Variants in PLCH1 observed in about 807,000 individuals in gnomAD.
The protein encoded by PLCH1 is phospholipase C eta 1.
PLCH1 carries 60 observed loss-of-function variants against 126.7 expected under a neutral mutation model. The observed-to-expected ratio is 0.47, with a 90% CI of 0.38 to 0.59. The LOEUF (loss-of-function observed/expected upper bound fraction) is 0.59, where lower values mean the gene tolerates loss of function less well. Among genes scored for constraint, PLCH1 ranks in the 20% least tolerant of loss-of-function variants. The pLI is 0.00. For synonymous variants in PLCH1, 719 were observed against 734.9 expected, an observed-to-expected ratio of 0.98 and a Z score of 0.35; for missense variants, 1,723 against 2,040.0, an observed-to-expected ratio of 0.84 and a Z score of 2.99.
chr3:155,485,465 A>C lies in PLCH1; in HGVS notation c.2865T>G (p.Ser955Arg), dbSNP rs1209324453. Residue 955 changes from serine to arginine, a missense_variant, in exon 22 of 23, where the codon AGT (serine) becomes AGG (arginine). Transcript: ENST00000460012. Reference protein sequence around the residue: ...QDGVLRRTTRSLQARPVSMPV... With the variant: ...QDGVLRRTTRRLQARPVSMPV... ...GCATAGAGACAGGGCGTGCTTGCAA[A>C]CTGCGTGTGGTCCTCCTCAGCACGC... 1 of 1,614,082 alleles carries C rather than the reference A, an allele frequency of 6.2e-7. No individual in the cohort carries two copies. Among genetic ancestry groups the C allele is most frequent in the Non-Finnish European group, 8.5e-7 (1 of 1,179,958 alleles).
At chr3:155,730,482 T>G (rs2109173297) in intron 1 of PLCH1, among the ~76,000 whole-genome samples, 1 of 152,262 alleles carries the variant, frequency 6.6e-6, no homozygotes, top group South Asian at 2.1e-4. Context: ...GGTTTCACCA[T>G]GTTGGCCAGG....
chr3:155,525,470 G>A (rs530372985), intron 10 of PLCH1, among the ~76,000 whole-genome samples: 39 of 152,182 alleles, frequency 2.6e-4, no homozygotes, highest in African/African-American at 8.7e-4. Context: ...CTAGATCCAC[G>A]AGCAATGAAT....
At chr3:155,653,700 T>A (rs1021001261) in intron 2 of PLCH1, among the ~76,000 whole-genome samples, 5 of 152,202 alleles carry the variant, frequency 3.3e-5, no homozygotes, top group African/African-American at 1.2e-4. Flanking sequence ...TCTTCACTGA[T>A]AACTTTGCTT....
At chr3:155,461,226 A>C (rs1332522295) in intron 21 of PLCH1, among the ~76,000 whole-genome samples, 2 of 152,226 alleles carry the variant, frequency 1.3e-5, no homozygotes, top group African/African-American at 4.8e-5. Flanking sequence ...ATCAACTTGA[A>C]TGTCCTGATA....
chr3:155,549,270 G>C (rs189737180), intron 10 of PLCH1, among the ~76,000 whole-genome samples: 1 of 152,332 alleles, frequency 6.6e-6, no homozygotes, highest in Admixed American at 6.5e-5. Context: ...ACACGTACAT[G>C]AGTCCTGTGG....
At chr3:155,577,381 T>A (rs1376477827) in intron 6 of PLCH1, among the ~76,000 whole-genome samples, 5 of 152,174 alleles carry the variant, frequency 3.3e-5, no homozygotes, top group Non-Finnish European at 7.3e-5. Flanking sequence ...ATTTTTCCAT[T>A]GTTTTTTTTT....
chr3:155,504,761 A>C (rs573808647), intron 12 of PLCH1, 135 bp from the exon 13 acceptor site: 1 of 617,332 alleles, frequency 1.6e-6, no homozygotes, highest in Admixed American at 2.7e-5. Flanking sequence ...GACTCCACTC[A>C]TTTCCTCCTG....
chr3:155,682,392 C>T (rs1744607164), intron 2 of PLCH1, among the ~76,000 whole-genome samples: 1 of 152,094 alleles, frequency 6.6e-6, no homozygotes, highest in Admixed American at 6.6e-5. Context: ...CCCCAAGGAA[C>T]AAAATGGAAT....
At chr3:155,475,279 T>C (rs1019491662), downstream of PLCH1, among the ~76,000 whole-genome samples, 2 of 151,772 alleles carry the variant, frequency 1.3e-5, no homozygotes, top group South Asian at 2.1e-4. Flanking sequence ...AAAACGATAA[T>C]GGAAATATAA....
At chr3:155,506,422 T>C (rs1718727691) in intron 12 of PLCH1, among the ~76,000 whole-genome samples, 1 of 150,348 alleles carries the variant, frequency 6.7e-6, no homozygotes, top group Non-Finnish European at 1.5e-5. Context: ...TACATATGTA[T>C]ACATGTGCCA....
At chr3:155,695,947 T>C (rs1190569983) in intron 2 of PLCH1, among the ~76,000 whole-genome samples, 7 of 152,082 alleles carry the variant, frequency 4.6e-5, no homozygotes, top group African/African-American at 9.7e-5. Flanking sequence ...GGCAGATGGG[T>C]ACCAGGGCAG....
chr3:155,639,865 A>G (rs1428128386), intron 2 of PLCH1, among the ~76,000 whole-genome samples: 2 of 149,752 alleles, frequency 1.3e-5, no homozygotes, highest in African/African-American at 5.0e-5. Context: ...TTCTCAGGAT[A>G]GTGAGTGAGT....
chr3:155,476,022 A>G (rs570075125), downstream of PLCH1, among the ~76,000 whole-genome samples: 2 of 152,274 alleles, frequency 1.3e-5, no homozygotes, highest in South Asian at 2.1e-4. Context: ...AGAAAATGAC[A>G]GGCCAATATC....
chr3:155,716,253 A>T (rs2109120377), intron 1 of PLCH1, among the ~76,000 whole-genome samples: 1 of 152,304 alleles, frequency 6.6e-6, no homozygotes, highest in Middle Eastern at 3.4e-3. Flanking sequence ...TTGCTTGATG[A>T]CATAGTTTGA....
At chr3:155,602,920 C>A (rs184424099) in intron 2 of PLCH1, among the ~76,000 whole-genome samples, 2 of 152,214 alleles carry the variant, frequency 1.3e-5, no homozygotes, top group East Asian at 1.9e-4. Flanking sequence ...CTTGTTCTAG[C>A]CTTTGAAAGG....
chr3:155,452,791 C>A (rs983913272), intron 21 of PLCH1, among the ~76,000 whole-genome samples: 3 of 152,088 alleles, frequency 2.0e-5, no homozygotes, highest in Non-Finnish European at 4.4e-5. Flanking sequence ...ACCTCAAGTG[C>A]CACATAAATG....
intron 6 of PLCH1, among the ~76,000 whole-genome samples, chr3:155,579,439 T>A (rs1351193034): frequency 6.6e-6 from 1 of 152,220 alleles, no homozygotes; most frequent in African/African-American, 2.4e-5. Context: ...AACCATTTTA[T>A]AAGTCACAAA....
intron 2 of PLCH1, among the ~76,000 whole-genome samples, chr3:155,675,269 A>T (rs1386636461): frequency 2.6e-5 from 4 of 152,200 alleles, no homozygotes; most frequent in South Asian, 2.1e-4. Flanking sequence ...GACAAATTTC[A>T]GTTTGAAGGT....
At chr3:155,620,991 C>G (rs574096679) in intron 2 of PLCH1, among the ~76,000 whole-genome samples, 4 of 152,316 alleles carry the variant, frequency 2.6e-5, no homozygotes, top group African/African-American at 9.6e-5. Flanking sequence ...TAGGGGCTGA[C>G]AGACAACTCA....
Sources: gnomAD v4.1 joint callset for allele counts (sites outside exome capture counted in the v4.1 genomes callset) on GRCh38, gnomAD v4.1.1 for gene constraint, MANE v1.5 for transcripts, NCBI Gene and HGNC (gene_info 2026-07-23, HGNC 2026-07-21) for gene names.